CHL1: variants seen among roughly 807,000 people sequenced by gnomAD.
CHL1 encodes the protein cell adhesion molecule L1 like.
Under a neutral mutation model 141.9 loss-of-function variants are expected in CHL1, and 96 were observed. The observed-to-expected ratio is 0.68, with a 90% CI of 0.57 to 0.80. The LOEUF is 0.80. Ranked by LOEUF, CHL1 falls within the 30% of genes least tolerant of loss-of-function variation. The probability of loss-of-function intolerance (pLI) is 0.00; values close to 1 mark genes in which losing one functional copy is unlikely to be tolerated. For missense variants in CHL1, 1,820 were observed against 1,457.2 expected, an observed-to-expected ratio of 1.25 and a Z score of -4.05; for synonymous variants, 613 against 502.2, an observed-to-expected ratio of 1.22 and a Z score of -2.95.
rs367834472 is a variant in CHL1, at chr3:389,425, A to G, written c.2421A>G (p.Leu807=). The change falls in exon 20 of 28, where the codon CTA becomes CTG. Residue 807 remains leucine, a synonymous_variant. Coordinates refer to ENST00000256509, the MANE Select transcript of CHL1 (RefSeq NM_006614.4). ...YDVKVQAINQ[L]GSGPDPQSVT... is the part of the protein sequence containing the mutation. ...TCAAGGTCCAGGCTATCAATCAACTAGGATCTGGGCCTGACCCTCAGTCAG... is the reference window on the plus strand; with the variant it reads ...TCAAGGTCCAGGCTATCAATCAACTGGGATCTGGGCCTGACCCTCAGTCAG... 2.5e-5 allele frequency: 40 copies of G among 1,614,110 alleles called. 1 individual carries two copies. The South Asian group carries it at 4.0e-4, about 16-fold the overall frequency.
At chr3:384,003 A>G (rs984259645) in intron 19 of CHL1, 117 bp downstream of exon 19, 6 of 641,494 alleles carry the variant, frequency 9.4e-6, no homozygotes, top group African/African-American at 7.2e-5. Flanking sequence ...AGATTTGGAA[A>G]TGAAATTAAC....
chr3:355,057 T>C (rs1276578209), intron 11 of CHL1, among the ~76,000 whole-genome samples: 4 of 152,066 alleles, frequency 2.6e-5, no homozygotes, highest in Non-Finnish European at 4.4e-5. Flanking sequence ...AGAGGATGCA[T>C]CCAAGGAAAA....
intron 2 of CHL1, among the ~76,000 whole-genome samples, chr3:263,937 T>C (rs936737621): frequency 6.6e-6 from 1 of 152,232 alleles, no homozygotes; most frequent in Non-Finnish European, 1.5e-5. Flanking sequence ...TTTAAAAGAA[T>C]GACCTTTCCT....
chr3:342,194 A>C, intron 7 of CHL1, 112 bp downstream of exon 7: 1 of 896,732 alleles, frequency 1.1e-6, no homozygotes, highest in South Asian at 2.0e-5. Context: ...ACCATTGTGC[A>C]GTTCAACTCT....
intron 2 of CHL1, among the ~76,000 whole-genome samples, chr3:261,347 G>C (rs889312455): frequency 1.3e-5 from 2 of 151,720 alleles, no homozygotes; most frequent in Non-Finnish European, 2.9e-5. Flanking sequence ...GAAGGAAAGA[G>C]GAGAAGAGAA....
In CHL1 at chr3:383,897, C is replaced by G. The variant is rs1173881831; in HGVS notation, c.2247+11C>G. 1 of 1,580,872 alleles carries G rather than the reference C, an allele frequency of 6.3e-7. No homozygotes were observed. The highest frequency in any genetic ancestry group is 1.3e-5 in the African/African-American group (1 of 74,382). ...ATTATAAAGTGGGAGGTGTGTATTT[C>G]TTAATACGTTATGTATTTCTTTGTG... On this transcript the variant is annotated intron_variant, in intron 19 of 27. Transcript: ENST00000256509.
intron 2 of CHL1, among the ~76,000 whole-genome samples, chr3:257,558 G>C (rs1372417564): frequency 6.6e-6 from 1 of 151,940 alleles, no homozygotes; most frequent in Non-Finnish European, 1.5e-5. Context: ...TCACCATGCT[G>C]ACCAGGCTGG....
intron 2 of CHL1, chr3:248,468 A>T (rs1693383660): frequency 6.6e-6 from 1 of 152,028 alleles, no homozygotes; most frequent in Non-Finnish European, 1.5e-5. Context: ...GTTTTTATTA[A>T]TAATTTTATT....
chr3:236,121 T>A (rs566109629), intron 1 of CHL1, among the ~76,000 whole-genome samples: 2 of 152,158 alleles, frequency 1.3e-5, no homozygotes, highest in African/African-American at 4.8e-5. Flanking sequence ...CAGCATTTGG[T>A]CTCAGGCCCT....
At chr3:198,099 CCG>C in intron 1 of CHL1, 1 of 283,904 alleles carries the variant, frequency 3.5e-6, no homozygotes, top group East Asian at 1.0e-4. Context: ...CCAGGTACCC[CCG>C]CCCCAGACGG....
At chr3:380,094 T>C (rs2125382121) in intron 16 of CHL1, among the ~76,000 whole-genome samples, 1 of 152,336 alleles carries the variant, frequency 6.6e-6, no homozygotes, top group Non-Finnish European at 1.5e-5. Flanking sequence ...TCAGATGCAA[T>C]ACACAGCCTT....
At chr3:343,192 T>C (rs1702477168) in intron 8 of CHL1, among the ~76,000 whole-genome samples, 161 bp downstream of exon 8, 1 of 152,188 alleles carries the variant, frequency 6.6e-6, no homozygotes, top group Non-Finnish European at 1.5e-5. Flanking sequence ...CCCTCTTAAA[T>C]ATATGCAAAG....
chr3:255,764 C>T (rs1009613386), intron 2 of CHL1, among the ~76,000 whole-genome samples: 4 of 152,112 alleles, frequency 2.6e-5, no homozygotes, highest in Admixed American at 6.5e-5. Flanking sequence ...TGCCATTGCC[C>T]GTAGCATATT....
chr3:235,625 C>G (rs1284371970), intron 1 of CHL1, among the ~76,000 whole-genome samples: 1 of 152,138 alleles, frequency 6.6e-6, no homozygotes, highest in African/African-American at 2.4e-5. Flanking sequence ...TAGTGCTTCT[C>G]TATAAATTGT....
At chr3:283,649 A>G (rs1043552164) in intron 2 of CHL1, among the ~76,000 whole-genome samples, 7 of 152,240 alleles carry the variant, frequency 4.6e-5, no homozygotes, top group African/African-American at 1.2e-4. Context: ...AGTGTAAACT[A>G]TTGGCATTAC....
At chr3:356,903 T>C (rs1362160471) in intron 11 of CHL1, among the ~76,000 whole-genome samples, 1 of 152,032 alleles carries the variant, frequency 6.6e-6, no homozygotes, top group Admixed American at 6.6e-5. Context: ...AGCAGAAGAG[T>C]GACACAATCT....
chr3:308,120 C>T (rs182637216), intron 2 of CHL1, among the ~76,000 whole-genome samples: 24 of 152,176 alleles, frequency 1.6e-4, no homozygotes, highest in Admixed American at 7.2e-4. Context: ...TTTACTTTAA[C>T]GAGTATTTCA....
At chr3:290,917 T>C (rs868240759) in intron 2 of CHL1, among the ~76,000 whole-genome samples, 2 of 136,840 alleles carry the variant, frequency 1.5e-5, no homozygotes, top group Non-Finnish European at 1.5e-5. Flanking sequence ...GCTTGGGCAA[T>C]AGAATGAGAC....
At chr3:376,503 A>C (rs543901349) in intron 15 of CHL1, 130 of 468,198 alleles carry the variant, frequency 2.8e-4, no homozygotes, top group African/African-American at 2.5e-3. Flanking sequence ...CCTAAGATAC[A>C]TTTGTGAGAC....
Sources: gnomAD v4.1 joint callset for allele counts (sites outside exome capture counted in the v4.1 genomes callset) on GRCh38, gnomAD v4.1.1 for gene constraint, MANE v1.5 for transcripts, NCBI Gene and HGNC (gene_info 2026-07-23, HGNC 2026-07-21) for gene names.